ABR: variants seen among roughly 807,000 people sequenced by gnomAD.
ABR encodes the protein ABR activator of RhoGEF and GTPase.
In ABR, 35 loss-of-function variants were observed where a neutral mutation model predicts 107.2. The ratio of observed to expected loss-of-function variants is 0.33; its 90% confidence interval spans 0.25 to 0.43. The LOEUF is 0.43. ABR is among the 20% of genes least tolerant of loss of function. ABR has a pLI of 1.00. For missense variants in ABR, 815 were observed against 1,115.2 expected, an observed-to-expected ratio of 0.73 and a Z score of 3.83; for synonymous variants, 498 against 462.0, an observed-to-expected ratio of 1.08 and a Z score of -1.00.
At chr17:1,075,604 C>T (rs528054762) in intron 6 of ABR, among the ~76,000 whole-genome samples, 2 of 152,308 alleles carry the variant, frequency 1.3e-5, no homozygotes, top group East Asian at 1.9e-4. Flanking sequence ...TCCCCAGCCC[C>T]GTCAACTCAA....
At chr17:1,175,110 C>T (rs1419997515) in intron 1 of ABR, among the ~76,000 whole-genome samples, 2 of 152,156 alleles carry the variant, frequency 1.3e-5, no homozygotes, top group East Asian at 3.8e-4. Context: ...GACCTAGAGG[C>T]ATTATGACCA....
chr17:1,197,425 C>G (rs1194853954), intron 1 of ABR, among the ~76,000 whole-genome samples: 2 of 151,732 alleles, frequency 1.3e-5, no homozygotes, highest in East Asian at 3.9e-4. Context: ...CACCATCCCT[C>G]TGGCTCCTGA....
At chr17:1,041,728 T>C (rs1255031280) in intron 16 of ABR, among the ~76,000 whole-genome samples, 1 of 152,120 alleles carries the variant, frequency 6.6e-6, no homozygotes, top group East Asian at 1.9e-4. Flanking sequence ...AGAGACTCCA[T>C]CTCAAATAAA....
intron 1 of ABR, among the ~76,000 whole-genome samples, chr17:1,213,730 C>T (rs189973677): frequency 6.6e-6 from 1 of 151,868 alleles, no homozygotes; most frequent in East Asian, 2.0e-4. Context: ...TCTGTGCTAG[C>T]TTCTCAGAGA....
Position 1,010,781 on chromosome 17 carries a change from C to A in ABR, c.2184G>T (p.Leu728=). The A allele has an allele frequency of 2.5e-6, 4 of 1,613,708 alleles. No homozygotes were observed. Among genetic ancestry groups the A allele is most frequent in the Non-Finnish European group, 3.4e-6 (4 of 1,180,008 alleles). ...GTCGGTCCGTGAGGAGCGGCTCGGGCAGTTCCCGGAAGTACAGCTTGAGCG... is the reference window on the plus strand; with the variant it reads ...GTCGGTCCGTGAGGAGCGGCTCGGGAAGTTCCCGGAAGTACAGCTTGAGCG... ...AGTLKLYFRE[L]PEPLLTDRLY... The change falls in exon 20 of 23, where the codon CTG becomes CTT. Residue 728 remains leucine, a synonymous_variant. Coordinates refer to ENST00000302538, the MANE Select transcript of ABR (RefSeq NM_021962.5). This position sits in a 1 kb window ranked among gnomAD's most constrained non-coding sequence, Gnocchi z 4.1.
intron 4 of ABR, among the ~76,000 whole-genome samples, chr17:1,087,953 G>T (rs1289642857): frequency 2.0e-5 from 3 of 152,248 alleles, no homozygotes; most frequent in Non-Finnish European, 4.4e-5. Context: ...CCTGGAAACA[G>T]CAGCCTGGCA....
In ABR at chr17:1,050,394, G is replaced by A. The variant is rs547142263; in HGVS notation, c.1659+143C>T. ...AGGGTCTGACACCCAGACACACACC[G>A]CGATCAGAAGCCAGAGGAGCAGGGA... On this transcript the variant is annotated intron_variant, in intron 15 of 22. Transcript: ENST00000302538. This position sits in a 1 kb window ranked among gnomAD's most constrained non-coding sequence, Gnocchi z 4.6. 211 of 957,634 alleles carry A rather than the reference G, an allele frequency of 2.2e-4. 1 individual carries two copies. The South Asian group carries it at 2.8e-3, about 13-fold the overall frequency. 59.3% of individuals were successfully genotyped at this position (957,634 alleles called of 1,614,324 possible).
chr17:1,060,695 A>G (rs2033822178), intron 10 of ABR, among the ~76,000 whole-genome samples: 1 of 152,058 alleles, frequency 6.6e-6, no homozygotes, highest in Non-Finnish European at 1.5e-5. Flanking sequence ...TTAAAAAATT[A>G]TTATCAAGAG....
chr17:1,144,127 C>G (rs1047560708), intron 1 of ABR, among the ~76,000 whole-genome samples: 1 of 152,102 alleles, frequency 6.6e-6, no homozygotes, highest in African/African-American at 2.4e-5. Context: ...TTGACAAAAT[C>G]CCCCCACCTT....
chr17:1,177,543 G>A (rs1258494053), intron 1 of ABR, among the ~76,000 whole-genome samples: 1 of 152,208 alleles, frequency 6.6e-6, no homozygotes. Context: ...TTTCAAGGTG[G>A]CCTCAGGCAA....
chr17:1,101,015 G>A (rs997260640), intron 2 of ABR: 7 of 454,046 alleles, frequency 1.5e-5, no homozygotes, highest in South Asian at 4.8e-5. Context: ...GTAGAGATGG[G>A]GTTTCACCAT....
chr17:1,120,135 CCTCATAGAGTTGTTGGGG>C (rs2039283436), intron 2 of ABR, among the ~76,000 whole-genome samples: 4 of 152,160 alleles, frequency 2.6e-5, no homozygotes, highest in Admixed American at 2.6e-4. Context: ...ATAGCACCTA[CCTCATAGAGTTGTTGGGG>C]CTCTTAAATG....
At chr17:1,202,430 A>G (rs1567888113) in intron 1 of ABR, among the ~76,000 whole-genome samples, 1 of 152,224 alleles carries the variant, frequency 6.6e-6, no homozygotes, top group African/African-American at 2.4e-5. Flanking sequence ...CACTCATTCT[A>G]AATTGCAAAT....
chr17:1,103,150 G>T (rs564490091), intron 2 of ABR, among the ~76,000 whole-genome samples: 55 of 152,288 alleles, frequency 3.6e-4, no homozygotes, highest in African/African-American at 1.3e-3. Flanking sequence ...ACTTATTGGC[G>T]GCTTCACAAA....
At chr17:1,111,263 A>C (rs1425589752) in intron 2 of ABR, among the ~76,000 whole-genome samples, 3 of 152,182 alleles carry the variant, frequency 2.0e-5, no homozygotes, top group South Asian at 2.1e-4. Flanking sequence ...ACTTCTTCCC[A>C]AAATCCCTGA....
chr17:1,083,317 G>C (rs1184124774), intron 5 of ABR: 3 of 213,746 alleles, frequency 1.4e-5, no homozygotes, highest in Non-Finnish European at 2.6e-5. Flanking sequence ...TAATCTGAAA[G>C]AGAATAATAA....
intron 2 of ABR, among the ~76,000 whole-genome samples, chr17:1,101,474 C>A (rs2589487): frequency 6.6e-6 from 1 of 151,940 alleles, no homozygotes; most frequent in African/African-American, 2.4e-5. Flanking sequence ...CCCTCTCTTC[C>A]TCTCCTCCTG....
intron 16 of ABR, among the ~76,000 whole-genome samples, chr17:1,031,137 G>A (rs1172743572): frequency 1.3e-5 from 2 of 152,072 alleles, no homozygotes; most frequent in Non-Finnish European, 2.9e-5. Context: ...AGACCCGGCA[G>A]CATCTCCCCT....
rs191202493 is a variant in ABR at position 1,008,370 on chromosome 17, G to A, written c.2343-1058C>T. The stretch of plus-strand genomic sequence containing the variant: ...CCCTCCAGGCAGGAGCTGTGGCTGC[G>A]CCTGCTTTGGAAACAGGCAAACAAA... On this transcript the variant is annotated intron_variant, in intron 21 of 22. Coordinates refer to ENST00000302538, the MANE Select transcript of ABR (RefSeq NM_021962.5). Among the ~76,000 whole-genome samples the A allele has an allele frequency of 1.5e-3, 226 of 152,350 alleles. 1 individual carries two copies. Among genetic ancestry groups the A allele is most frequent in the Middle Eastern group, 3.4e-3 (1 of 294 alleles).
Sources: allele counts gnomAD v4.1 joint callset (sites outside exome capture counted in the v4.1 genomes callset), GRCh38; gene constraint gnomAD v4.1.1; non-coding constraint Gnocchi (gnomAD v3.1); transcripts MANE v1.5; gene names NCBI Gene and HGNC (gene_info 2026-07-23, HGNC 2026-07-21).